The following PARM1 variants were observed in gnomAD, a reference collection of about 807,000 sequenced individuals.
PARM1 encodes WSC4, cell wall integrity and stress response component 4 homolog.
PARM1 carries 14 observed loss-of-function variants against 24.6 expected under a neutral mutation model. That is an observed-to-expected ratio of 0.57 (90% CI 0.38 to 0.89). The LOEUF (loss-of-function observed/expected upper bound fraction) is 0.89. Among genes scored for constraint, PARM1 ranks in the 40% least tolerant of loss-of-function variants. The probability of loss-of-function intolerance (pLI) is 0.00; values close to 1 mark genes in which losing one functional copy is unlikely to be tolerated. For synonymous variants in PARM1, 179 were observed against 156.6 expected (o/e 1.14, Z -1.07); for missense variants, 362 against 380.4 (o/e 0.95, Z 0.40).
At chr4:75,001,627 T>C (rs905634347) in intron 1 of PARM1, among the ~76,000 whole-genome samples, 4 of 152,244 alleles carry the variant, frequency 2.6e-5, no homozygotes, top group Admixed American at 1.3e-4. Context: ...TTGTATTTCA[T>C]TTTTAATAGT....
rs1170025117 is a variant in PARM1 at position 75,046,267 on chromosome 4, A to G, written c.*20A>G. 2 of 1,479,774 alleles carry G rather than the reference A, an allele frequency of 1.4e-6. No homozygotes were observed. Among genetic ancestry groups the G allele is most frequent in the South Asian group, 1.1e-5 (1 of 88,184 alleles). The allele number at this position is 1,479,774 out of a possible 1,614,324, so 91.7% of individuals were successfully genotyped here. On this transcript the variant is annotated 3_prime_UTR_variant, in exon 4 of 4. Transcript: ENST00000307428. ...TCCTAACAATGGAATATGGCCTGGGATGAGGATTAACTGTTCTTTATTTAT... is the reference window on the plus strand; with the variant it reads ...TCCTAACAATGGAATATGGCCTGGGGTGAGGATTAACTGTTCTTTATTTAT...
chr4:75,012,319 T>C, intron 1 of PARM1, 106 bp from the exon 2 acceptor site: 3 of 1,240,374 alleles, frequency 2.4e-6, no homozygotes, highest in Non-Finnish European at 3.4e-6. Flanking sequence ...AAATGAGAAA[T>C]ACCTGTGAAA....
At chr4:75,028,620 T>A (rs1048238604) in intron 2 of PARM1, among the ~76,000 whole-genome samples, 15 of 152,228 alleles carry the variant, frequency 9.9e-5, no homozygotes, top group Admixed American at 8.5e-4. Context: ...TACACGCACC[T>A]TCTAAATAAG....
chr4:75,020,669 A>ATACTGAGC (rs1356671060), intron 2 of PARM1, among the ~76,000 whole-genome samples: 4 of 152,060 alleles, frequency 2.6e-5, no homozygotes, highest in Non-Finnish European at 4.4e-5. Context: ...TGTGGGCTCC[A>ATACTGAGC]CTTGTCACCC....
At chr4:74,945,190 G>A (rs1047406659) in intron 1 of PARM1, among the ~76,000 whole-genome samples, 8 of 152,156 alleles carry the variant, frequency 5.3e-5, no homozygotes, top group African/African-American at 9.7e-5. Context: ...TGTTGTGTGC[G>A]CCTGTGGAGA....
intron 1 of PARM1, among the ~76,000 whole-genome samples, chr4:74,941,713 C>T (rs1168955324): frequency 1.3e-5 from 2 of 152,050 alleles, no homozygotes; most frequent in African/African-American, 4.8e-5. Context: ...GTAACCTCGG[C>T]ATCATGAAAG....
intron 1 of PARM1, chr4:74,994,028 A>T (rs1370133287): frequency 6.6e-6 from 1 of 152,200 alleles, no homozygotes; most frequent in Admixed American, 6.5e-5. Flanking sequence ...GGACCCAGCA[A>T]CAGAATCAGG....
intron 1 of PARM1, among the ~76,000 whole-genome samples, chr4:74,978,070 A>G (rs2109770023): frequency 6.6e-6 from 1 of 152,356 alleles, no homozygotes; most frequent in East Asian, 1.9e-4. Flanking sequence ...AGTCTGCAAA[A>G]TAACTGGCTA....
rs2109794544 is a variant in PARM1, at chr4:75,012,588, A to G, written c.207A>G (p.Thr69=). 6.2e-7 allele frequency: 1 copy of G among 1,613,996 alleles called. No homozygotes were observed. The highest frequency in any genetic ancestry group is 1.7e-5 in the Admixed American group (1 of 60,012). The change falls in exon 2 of 4, where the codon ACA becomes ACG. Residue 69 remains threonine (T), a synonymous_variant. Transcript: ENST00000307428. ...ACAACAACTCGGTGCTCCCAGTTAC[A>G]GCATCAGCCCCAACATCTCTGCTTC... is the stretch of plus-strand genomic sequence containing the variant. ...GTHNNSVLPV[T]ASAPTSLLPK...
intron 3 of PARM1, 30 bp downstream of exon 3, chr4:75,033,991 G>T (rs751065132): frequency 1.3e-6 from 2 of 1,549,414 alleles, no homozygotes; most frequent in Non-Finnish European, 1.8e-6. Context: ...TAAAAAAAAG[G>T]GATTCTGTTT....
chr4:74,977,518 T>C (rs1722162658), intron 1 of PARM1, among the ~76,000 whole-genome samples: 1 of 152,084 alleles, frequency 6.6e-6, no homozygotes, highest in Non-Finnish European at 1.5e-5. Flanking sequence ...ACAAGGAGAA[T>C]GGACCCAAGT....
At chr4:74,994,277 A>G (rs1560786145) in intron 1 of PARM1, 1 of 152,198 alleles carries the variant, frequency 6.6e-6, no homozygotes, top group Admixed American at 6.5e-5. Flanking sequence ...ATGCATCCTG[A>G]GCCCCCAAAT....
chr4:74,935,901 C>T (rs746219414), intron 1 of PARM1, among the ~76,000 whole-genome samples: 3 of 152,104 alleles, frequency 2.0e-5, no homozygotes, highest in Non-Finnish European at 2.9e-5. Context: ...AGTGCAATGG[C>T]GCGATTCCAG....
At chr4:75,035,728 C>T (rs1034633869) in intron 3 of PARM1, among the ~76,000 whole-genome samples, 1 of 152,074 alleles carries the variant, frequency 6.6e-6, no homozygotes, top group African/African-American at 2.4e-5. Flanking sequence ...TGTAATATCA[C>T]CTGCGTCTAC....
At position 75,048,442 on chromosome 4, in the gene PARM1, C is replaced by T. The variant is rs1053651317; in HGVS notation, c.*2195C>T. The T allele has an allele frequency of 2.6e-5, 4 of 152,184 alleles. No homozygotes were observed. Among genetic ancestry groups the T allele is most frequent in the African/African-American group, 4.8e-5 (2 of 41,444 alleles). The allele number at this position is 152,184 out of a possible 1,614,324, so 9.4% of individuals were successfully genotyped here. On this transcript the variant is annotated 3_prime_UTR_variant, in exon 4 of 4. Transcript: ENST00000307428. ...TGGCTTGAGTAACTGTCTCTCTTTC[C>T]CCACCCCCATCACAGGGCTTTCAGT...
chr4:75,011,165 C>T (rs572801418), intron 1 of PARM1, among the ~76,000 whole-genome samples: 42 of 152,312 alleles, frequency 2.8e-4, no homozygotes, highest in African/African-American at 9.9e-4. Context: ...CCACCAGGCC[C>T]CACTTCCAAC....
At chr4:74,947,108 C>T (rs1018090442) in intron 1 of PARM1, among the ~76,000 whole-genome samples, 2 of 152,228 alleles carry the variant, frequency 1.3e-5, no homozygotes, top group Non-Finnish European at 2.9e-5. Context: ...TGGCTGCCAA[C>T]ACCGTGGAGT....
chr4:74,940,199 A>T (rs1048411203), intron 1 of PARM1, among the ~76,000 whole-genome samples: 1 of 152,240 alleles, frequency 6.6e-6, no homozygotes, highest in Non-Finnish European at 1.5e-5. Flanking sequence ...GGTAGTACAC[A>T]AGCGTAACTT....
chr4:74,946,516 G>T (rs543787247), intron 1 of PARM1, among the ~76,000 whole-genome samples: 1 of 152,300 alleles, frequency 6.6e-6, no homozygotes, highest in East Asian at 1.9e-4. Context: ...TGAGACTATG[G>T]TTTGTAAATT....
Sources: gnomAD v4.1 joint callset for allele counts (sites outside exome capture counted in the v4.1 genomes callset) on GRCh38, gnomAD v4.1.1 for gene constraint, MANE v1.5 for transcripts, NCBI Gene and HGNC (gene_info 2026-07-23, HGNC 2026-07-21) for gene names.